EXOSC10: variants seen among roughly 807,000 people sequenced by gnomAD.
EXOSC10 encodes the protein exosome complex component 10.
Under a neutral mutation model 126.6 loss-of-function variants are expected in EXOSC10, and 94 were observed. That is an observed-to-expected ratio of 0.74 (90% confidence interval 0.63 to 0.88). The LOEUF (loss-of-function observed/expected upper bound fraction) is 0.88. Ranked by LOEUF, EXOSC10 falls within the 40% of genes least tolerant of loss-of-function variation. The pLI, the probability that EXOSC10 is intolerant of heterozygous loss-of-function variation, is 0.00. For synonymous variants in EXOSC10, 395 were observed against 400.8 expected (o/e 0.99, Z 0.17); for missense variants, 1,041 against 1,100.5 (o/e 0.95, Z 0.77).
chr1:11,067,304 C>T (rs188399295), intron 24 of EXOSC10, among the ~76,000 whole-genome samples: 1,832 of 152,188 alleles, frequency 0.012, 21 homozygotes, highest in Non-Finnish European at 0.018. Flanking sequence ...TCATGGCGGG[C>T]GCCTGTGGTC....
rs779549961 is a variant in EXOSC10, at chr1:11,098,096, C to A, written c.172G>T (p.Asp58Tyr). The change falls in exon 2 of 25, where the codon GAT (aspartate) becomes TAT (tyrosine). Residue 58 changes from aspartate to tyrosine, a missense_variant. This residue lies in a region of EXOSC10 where 645 missense variants were observed against 656.3 expected (regional missense o/e 0.98). Transcript: ENST00000376936. The stretch of plus-strand genomic sequence containing the variant: ...AAACTTCGGTAAAAATCATACTCAT[C>A]GCCAAACTGTGGTAGGCCCCCAGAT... ...KASGGLPQFG[D>Y]EYDFYRSFPG... 1.9e-6 allele frequency: 3 copies of A among 1,613,120 alleles called. No individual in the cohort carries two copies. Among genetic ancestry groups the A allele is most frequent in the African/African-American group, 1.3e-5 (1 of 74,886 alleles).
chr1:11,082,625 G>T lies in EXOSC10; in HGVS notation c.1280+63C>A, dbSNP rs916786701. On this transcript the variant is annotated intron_variant, in intron 10 of 24. Transcript: ENST00000376936. ...GGCTCAAACCCAGGTCTCTCTGGAC[G>T]ACAGGTTAATGAATAATCACTTTCT... is the stretch of plus-strand genomic sequence containing the variant. The T allele has an allele frequency of 2.4e-5, 39 of 1,594,266 alleles. 1 individual carries two copies. The Admixed American group carries it at 6.4e-4, about 26-fold the overall frequency.
chr1:11,097,508 C>T (rs1570869145), intron 2 of EXOSC10, among the ~76,000 whole-genome samples: 1 of 152,098 alleles, frequency 6.6e-6, no homozygotes, highest in Non-Finnish European at 1.5e-5. Flanking sequence ...AGGTGGATCA[C>T]GAGGTCAGGA....
chr1:11,087,113 G>T (rs909749456), intron 9 of EXOSC10, among the ~76,000 whole-genome samples: 1 of 152,048 alleles, frequency 6.6e-6, no homozygotes, highest in Non-Finnish European at 1.5e-5. Context: ...GATTCCATAC[G>T]CTTGAAGTCT....
In EXOSC10 at chr1:11,069,736, G is replaced by C. The variant is rs759738982; in HGVS notation, c.2317-6C>G. On this transcript the variant is annotated splice_polypyrimidine_tract_variant and splice_region_variant and intron_variant, in intron 21 of 24. Transcript: ENST00000376936. ...TTCTTTGCAGCATTTTCTAGCTGTA[G>C]ATCAGGAACAGATGTGGGGGAGGAA... is the stretch of plus-strand genomic sequence containing the variant. The C allele has an allele frequency of 6.2e-7, 1 of 1,609,576 alleles. No homozygotes were observed. Among genetic ancestry groups the C allele is most frequent in the Non-Finnish European group, 8.5e-7 (1 of 1,177,566 alleles).
At chr1:11,091,878 T>C (rs1640825369) in intron 3 of EXOSC10, among the ~76,000 whole-genome samples, 1 of 152,056 alleles carries the variant, frequency 6.6e-6, no homozygotes, top group South Asian at 2.1e-4. Context: ...TTAGTAGAGA[T>C]GGGGTTTCAC....
At chr1:11,096,058 T>G (rs1317532029) in intron 2 of EXOSC10, among the ~76,000 whole-genome samples, 177 bp from the exon 3 acceptor site, 1 of 151,890 alleles carries the variant, frequency 6.6e-6, no homozygotes. Context: ...ATCTTGGCTC[T>G]CTGCAACCTC....
intron 24 of EXOSC10, among the ~76,000 whole-genome samples, chr1:11,067,580 G>A (rs902480188): frequency 1.3e-5 from 2 of 152,120 alleles, no homozygotes; most frequent in Non-Finnish European, 2.9e-5. Flanking sequence ...CTCCAGCCTG[G>A]GTGACAGAAT....
At position 11,072,366 on chromosome 1, in the gene EXOSC10, G is replaced by A. The variant is rs1385170497; in HGVS notation, c.2158-195C>T. The A allele has an allele frequency of 5.7e-6, 3 of 527,292 alleles. No homozygotes were observed. The African/African-American group carries it at 5.7e-5, about 10-fold the overall frequency. The allele number at this position is 527,292 out of a possible 1,614,324, so 32.7% of individuals were successfully genotyped here. On this transcript the variant is annotated intron_variant, in intron 19 of 24. Coordinates refer to ENST00000376936, the MANE Select transcript of EXOSC10 (RefSeq NM_001001998.3). ...TGCTAAAATCCCTATTAAGGACAAA[G>A]TGCTACTGTCCTCCAGGCACTGGGC... is the stretch of plus-strand genomic sequence containing the variant.
chr1:11,071,251 C>T (rs1383442664), intron 20 of EXOSC10: 3 of 424,592 alleles, frequency 7.1e-6, no homozygotes, highest in Non-Finnish European at 1.3e-5. Flanking sequence ...GACCTGAGGG[C>T]GTTTAACAGG....
intron 9 of EXOSC10, among the ~76,000 whole-genome samples, chr1:11,084,372 T>C (rs1640369012): frequency 6.6e-6 from 1 of 152,262 alleles, no homozygotes; most frequent in Non-Finnish European, 1.5e-5. Context: ...ATTTCTCTGA[T>C]GGCCAGTGAT....
Position 11,090,996 on chromosome 1 carries a change from A to G in EXOSC10, c.643+18T>C, listed in dbSNP as rs1252711476. 2 of 1,609,808 alleles carry G rather than the reference A, an allele frequency of 1.2e-6. No homozygotes were observed. Among genetic ancestry groups the G allele is most frequent in the South Asian group, 1.1e-5 (1 of 90,366 alleles). On this transcript the variant is annotated intron_variant, in intron 5 of 24. Transcript: ENST00000376936. ...AATAAAGTGAGACTCAAACACAGGCAAAGTATGCACTATTTACCTTGAGGG... is the reference window on the plus strand; with the variant it reads ...AATAAAGTGAGACTCAAACACAGGCGAAGTATGCACTATTTACCTTGAGGG...
At chr1:11,076,207 G>C (rs1639807997) in intron 17 of EXOSC10, among the ~76,000 whole-genome samples, 1 of 151,860 alleles carries the variant, frequency 6.6e-6, no homozygotes, top group Non-Finnish European at 1.5e-5. Flanking sequence ...AAATAGCTGG[G>C]CACAGTGACT....
chr1:11,085,904 T>C (rs1468002244), intron 9 of EXOSC10, among the ~76,000 whole-genome samples: 1 of 152,242 alleles, frequency 6.6e-6, no homozygotes, highest in African/African-American at 2.4e-5. Context: ...TTTGGTTCTG[T>C]TTATACGCTG....
intron 9 of EXOSC10, 53 bp from the exon 10 acceptor site, chr1:11,082,931 C>G (rs1557707190): frequency 7.3e-7 from 1 of 1,377,008 alleles, no homozygotes; most frequent in East Asian, 2.3e-5. Flanking sequence ...CACTCATGCT[C>G]AGAAATTAAC....
chr1:11,088,395 A>C (rs1173986289), intron 6 of EXOSC10, among the ~76,000 whole-genome samples, 197 bp from the exon 7 acceptor site: 1 of 152,228 alleles, frequency 6.6e-6, no homozygotes, highest in African/African-American at 2.4e-5. Context: ...TTAAAATATG[A>C]TAATTAAGTC....
chr1:11,071,093 T>A, intron 20 of EXOSC10, 120 bp from the exon 21 acceptor site: 1 of 817,426 alleles, frequency 1.2e-6, no homozygotes, highest in Non-Finnish European at 2.0e-6. Context: ...TCCTCCTCCC[T>A]CTCAGGTCCC....
In EXOSC10 at chr1:11,080,749, C is replaced by A; in HGVS notation, c.1586+15G>T. ...AGTCTGGAAACAAGTATTAAAAGAA[C>A]CTCTAATCCCTTACCCGTAACTTTC... On this transcript the variant is annotated intron_variant, in intron 12 of 24. Transcript: ENST00000376936. 1.2e-6 allele frequency: 2 copies of A among 1,613,964 alleles called. No homozygotes were observed. Among genetic ancestry groups the A allele is most frequent in the African/African-American group, 1.3e-5 (1 of 75,004 alleles).
intron 9 of EXOSC10, among the ~76,000 whole-genome samples, chr1:11,085,335 G>A (rs908368900): frequency 6.6e-6 from 1 of 152,116 alleles, no homozygotes; most frequent in Non-Finnish European, 1.5e-5. Context: ...CCTTGAAGAG[G>A]TCCTTCACGT....
Sources: allele counts gnomAD v4.1 joint callset (sites outside exome capture counted in the v4.1 genomes callset), GRCh38; gene constraint gnomAD v4.1.1; regional missense constraint gnomAD v4.1.1; transcripts MANE v1.5; gene names NCBI Gene and HGNC (gene_info 2026-07-23, HGNC 2026-07-21).